The following NEK6 variants were observed in gnomAD, a reference collection of about 807,000 sequenced individuals.
The protein encoded by NEK6 is NIMA related kinase 6.
Under a neutral mutation model 43.5 loss-of-function variants are expected in NEK6, and 27 were observed. That is an observed-to-expected ratio of 0.62 (90% CI 0.46 to 0.86). The LOEUF is 0.86. Ranked by LOEUF, NEK6 falls within the 40% of genes least tolerant of loss-of-function variation. NEK6 has a pLI of 0.00. For synonymous variants in NEK6, 167 were observed against 164.1 expected (o/e 1.02, Z -0.14); for missense variants, 318 against 414.4 (o/e 0.77, Z 2.02).
At position 124,286,931 on chromosome 9, in the gene NEK6, A is replaced by G. The variant is rs1370291754; in HGVS notation, c.-29-15005A>G. 2.0e-5 allele frequency among the ~76,000 whole-genome samples: 3 copies of G among 152,006 alleles called. No individual in the cohort carries two copies. In the East Asian group the frequency reaches 5.8e-4, roughly 29 times the overall value. On this transcript the variant is annotated intron_variant, in intron 1 of 9. Transcript: ENST00000320246. The stretch of plus-strand genomic sequence containing the variant: ...AGATGAGGTACACAAGCCCTATCCT[A>G]CTTCACTCCCCTCTTCCTTCCTGCC...
intron 1 of NEK6, among the ~76,000 whole-genome samples, chr9:124,279,991 G>T (rs945797417): frequency 6.6e-6 from 1 of 152,224 alleles, no homozygotes; most frequent in Non-Finnish European, 1.5e-5. Context: ...GTTAACCCTG[G>T]TGTTCTCAAA....
At chr9:124,317,308 C>T (rs528494810) in intron 4 of NEK6, among the ~76,000 whole-genome samples, 5 of 152,124 alleles carry the variant, frequency 3.3e-5, no homozygotes, top group East Asian at 1.9e-4. Flanking sequence ...GCTGGAGTGC[C>T]GTGGTGCGAT....
chr9:124,314,234 C>T (rs1271891511), intron 4 of NEK6, among the ~76,000 whole-genome samples: 3 of 152,102 alleles, frequency 2.0e-5, no homozygotes, highest in Admixed American at 6.5e-5. Context: ...GCTGCACGCC[C>T]CTCCTGCTTG....
At chr9:124,257,723 T>C, upstream of NEK6, 1 of 1,532,634 alleles carries the variant, frequency 6.5e-7, no homozygotes. Flanking sequence ...CTGCGCCCTG[T>C]GAGTCTGGGC....
rs144731511 is a variant in NEK6, at chr9:124,282,581, G to A, written c.-29-19355G>A. ...AGGAGACCAAGGAGCAGAGTCTGGC[G>A]GGGGAACGCTGTCACCACAGCAAGG... On this transcript the variant is annotated intron_variant, in intron 1 of 9. Coordinates refer to ENST00000320246, the MANE Select transcript of NEK6 (RefSeq NM_014397.6). Among the ~76,000 whole-genome samples, 470 of 152,296 alleles carry A rather than the reference G, an allele frequency of 3.1e-3. 2 individuals are homozygous for A. Among genetic ancestry groups the A allele is most frequent in the Non-Finnish European group, 5.5e-3 (374 of 68,028 alleles).
At chr9:124,282,755 G>A (rs1360631725) in intron 1 of NEK6, among the ~76,000 whole-genome samples, 1 of 152,248 alleles carries the variant, frequency 6.6e-6, no homozygotes, top group Non-Finnish European at 1.5e-5. Context: ...GTAGATCTGG[G>A]TCTTCAGCAC....
intron 1 of NEK6, among the ~76,000 whole-genome samples, chr9:124,266,037 G>T (rs146079345): frequency 1.3e-5 from 2 of 152,156 alleles, no homozygotes; most frequent in Admixed American, 6.5e-5. Context: ...GAGAGCTTCC[G>T]GCAGTGAGGG....
intron 7 of NEK6, among the ~76,000 whole-genome samples, chr9:124,331,143 G>A (rs1366394238): frequency 6.6e-6 from 1 of 150,388 alleles, no homozygotes. Context: ...GTGCACGCCT[G>A]TAATCCCAGC....
In NEK6 at chr9:124,324,502, C is replaced by T. The variant is rs1162008394; in HGVS notation, c.406-1828C>T. Among the ~76,000 whole-genome samples the T allele has an allele frequency of 6.6e-6, 1 of 152,350 alleles. No individual in the cohort carries two copies. The highest frequency in any genetic ancestry group is 1.9e-4 in the East Asian group (1 of 5,188). ...GACTCTGCGCCTCCCCGCTAAATGTCAGACAGCGCTTATAGGACATGACAT... is the reference window on the plus strand; with the variant it reads ...GACTCTGCGCCTCCCCGCTAAATGTTAGACAGCGCTTATAGGACATGACAT... On this transcript the variant is annotated intron_variant, in intron 5 of 9. Coordinates refer to ENST00000320246, the MANE Select transcript of NEK6 (RefSeq NM_014397.6). This position sits in a 1 kb window ranked among gnomAD's most constrained non-coding sequence, Gnocchi z 5.3.
At position 124,295,705 on chromosome 9, in the gene NEK6, G is replaced by A. The variant is rs193233030; in HGVS notation, c.-29-6231G>A. On this transcript the variant is annotated intron_variant, in intron 1 of 9. Coordinates refer to ENST00000320246, the MANE Select transcript of NEK6 (RefSeq NM_014397.6). ...GAGCGGCACTGGGCACCTGCCTGGC[G>A]CATGTGTGGTGCATGCTCTGTTGGC... is the stretch of plus-strand genomic sequence containing the variant. Among the ~76,000 whole-genome samples the A allele has an allele frequency of 4.9e-3, 751 of 152,344 alleles. 4 individuals carry two copies. The highest frequency in any genetic ancestry group is 8.2e-3 in the Non-Finnish European group (558 of 68,032).
chr9:124,299,294 C>G (rs945912376), intron 1 of NEK6, among the ~76,000 whole-genome samples: 1 of 152,218 alleles, frequency 6.6e-6, no homozygotes, highest in Non-Finnish European at 1.5e-5. Context: ...GGAGGTCTCC[C>G]TAAGGGCAGA....
At chr9:124,310,250 C>G (rs567570881) in intron 2 of NEK6, among the ~76,000 whole-genome samples, 1 of 152,258 alleles carries the variant, frequency 6.6e-6, no homozygotes, top group Non-Finnish European at 1.5e-5. Context: ...GGCCCACTCA[C>G]AGGGTTGTTC....
At chr9:124,308,283 G>T (rs1236910596) in intron 2 of NEK6, among the ~76,000 whole-genome samples, 3 of 152,222 alleles carry the variant, frequency 2.0e-5, no homozygotes, top group East Asian at 1.9e-4. Context: ...GTGCCCTGGG[G>T]TGGGGTTGGG....
rs1308703274 is a variant in NEK6, at chr9:124,343,701, C to T, written c.718-4008C>T. ...CTGTGGTGTCTTCCAGGGGCACCAG[C>T]CTGAAGAGCTGTGACAAAGCCCCCT... On this transcript the variant is annotated intron_variant, in intron 8 of 9. Coordinates refer to ENST00000320246, the MANE Select transcript of NEK6 (RefSeq NM_014397.6). This position sits in a 1 kb window ranked among gnomAD's most constrained non-coding sequence, Gnocchi z 5.1. Among the ~76,000 whole-genome samples, 2 of 152,182 alleles carry T rather than the reference C, an allele frequency of 1.3e-5. No individual in the cohort carries two copies. Among genetic ancestry groups the T allele is most frequent in the Non-Finnish European group, 2.9e-5 (2 of 68,026 alleles).
At position 124,329,098 on chromosome 9, in the gene NEK6, C is replaced by T. The variant is rs10986317; in HGVS notation, c.622+1653C>T. Among the ~76,000 whole-genome samples, 9 of 152,222 alleles carry T rather than the reference C, an allele frequency of 5.9e-5. No individual in the cohort carries two copies. In the South Asian group the frequency reaches 1.7e-3, roughly 28 times the overall value. The stretch of plus-strand genomic sequence containing the variant: ...GAGGGCCGGGGGCCTCGGCAGATAC[C>T]GTTGGAGTCCCCCTTTGGGGACCCG... On this transcript the variant is annotated intron_variant, in intron 7 of 9. Coordinates refer to ENST00000320246, the MANE Select transcript of NEK6 (RefSeq NM_014397.6).
chr9:124,312,734 C>T (rs1833600127), intron 3 of NEK6, 85 bp downstream of exon 3: 15 of 1,396,356 alleles, frequency 1.1e-5, no homozygotes, highest in Non-Finnish European at 1.5e-5. Flanking sequence ...AGTCCCTTCT[C>T]TCCCCTCTTC....
chr9:124,325,896 G>A (rs147934782), intron 5 of NEK6, among the ~76,000 whole-genome samples: 74 of 152,338 alleles, frequency 4.9e-4, no homozygotes, highest in Middle Eastern at 3.4e-3. Context: ...GTGTGTCCTG[G>A]GTGCCACCCT....
At chr9:124,331,568 G>A (rs1430397002) in intron 7 of NEK6, among the ~76,000 whole-genome samples, 1 of 152,170 alleles carries the variant, frequency 6.6e-6, no homozygotes, top group Non-Finnish European at 1.5e-5. Context: ...GGCTCTGAGC[G>A]CTCCATCCCT....
chr9:124,267,935 C>T (rs1588437247), intron 1 of NEK6, among the ~76,000 whole-genome samples: 1 of 152,360 alleles, frequency 6.6e-6, no homozygotes, highest in African/African-American at 2.4e-5. Context: ...CATCATGGCC[C>T]CACTTTCCAA....
Sources: allele counts gnomAD v4.1 joint callset (sites outside exome capture counted in the v4.1 genomes callset), GRCh38; gene constraint gnomAD v4.1.1; non-coding constraint Gnocchi (gnomAD v3.1); transcripts MANE v1.5; gene names NCBI Gene and HGNC (gene_info 2026-07-23, HGNC 2026-07-21).